Variants in ZMYND8 observed in about 807,000 individuals in gnomAD.
ZMYND8 encodes the protein zinc finger MYND-type containing 8.
In ZMYND8, 37 loss-of-function variants were observed where a neutral mutation model predicts 140.8. The observed-to-expected ratio is 0.26, with a 90% CI of 0.20 to 0.35. The LOEUF (loss-of-function observed/expected upper bound fraction) is 0.35. Ranked by LOEUF, ZMYND8 falls within the 10% of genes least tolerant of loss-of-function variation. The probability of loss-of-function intolerance (pLI) is 1.00; values close to 1 mark genes in which losing one functional copy is unlikely to be tolerated. For missense variants in ZMYND8, 1,068 were observed against 1,570.0 expected, an observed-to-expected ratio of 0.68 and a Z score of 5.40; for synonymous variants, 592 against 597.1, an observed-to-expected ratio of 0.99 and a Z score of 0.12.
Position 47,238,997 on chromosome 20 carries a change from G to A in ZMYND8, c.2426C>T (p.Ala809Val), listed in dbSNP as rs781498589. ...TSTSSTVTVTAPAPAATGSPV... is the reference protein window; with the variant it reads ...TSTSSTVTVTVPAPAATGSPV... ...GCTTCCTGTGGCGGCGGGGGCCGGG[G>A]CCGTGACGGTGACCGTGGAGGACGT... Residue 809 changes from alanine to valine, a missense_variant, in exon 15 of 23, where the codon GCC (alanine) becomes GTC (valine). Ala to Val is a moderately conservative substitution (Grantham distance 64, BLOSUM62 0). Around this residue, in one of 10 missense-constraint regions of ZMYND8, gnomAD observed 383 missense variants for 431.2 expected, o/e 0.89. Transcript: ENST00000471951. 50 of 1,608,554 alleles carry A rather than the reference G, an allele frequency of 3.1e-5. No homozygotes were observed. The highest frequency in any genetic ancestry group is 4.2e-5 in the Non-Finnish European group (49 of 1,175,714).
chr20:47,273,749 C>T (rs987821505), intron 11 of ZMYND8, among the ~76,000 whole-genome samples: 26 of 152,270 alleles, frequency 1.7e-4, no homozygotes, highest in Non-Finnish European at 2.9e-4. Flanking sequence ...CCTCCCAGCT[C>T]AGCCTCCTCA....
intron 2 of ZMYND8, among the ~76,000 whole-genome samples, chr20:47,334,053 T>A (rs940936094): frequency 3.3e-5 from 5 of 152,234 alleles, no homozygotes; most frequent in Non-Finnish European, 7.3e-5. Flanking sequence ...TCAGAACACT[T>A]AGAGTTAGGC....
chr20:47,219,916 G>A (rs76620955), intron 21 of ZMYND8, among the ~76,000 whole-genome samples: 4 of 151,930 alleles, frequency 2.6e-5, no homozygotes, highest in Middle Eastern at 3.4e-3. Context: ...GTCATTTACC[G>A]TTCTCATTTC....
intron 11 of ZMYND8, among the ~76,000 whole-genome samples, chr20:47,265,543 C>T (rs2075458260): frequency 6.6e-6 from 1 of 152,200 alleles, no homozygotes. Context: ...CAGGTTCAAG[C>T]AATTCTCCTG....
intron 1 of ZMYND8, 111 bp from the exon 2 acceptor site, chr20:47,348,037 C>CTT (rs764794048): frequency 9.6e-7 from 1 of 1,042,428 alleles, no homozygotes; most frequent in East Asian, 2.4e-5. Flanking sequence ...TTCCCTCATC[C>CTT]TTATCCAGGG....
chr20:47,345,947 T>C (rs1299194380), intron 2 of ZMYND8, among the ~76,000 whole-genome samples: 1 of 152,144 alleles, frequency 6.6e-6, no homozygotes, highest in East Asian at 1.9e-4. Flanking sequence ...CATGCGCCAC[T>C]GTGCCTGACC....
rs538294214 is a variant in ZMYND8 at position 47,238,952 on chromosome 20, G to A, written c.2471C>T (p.Pro824Leu). 11 of 1,612,986 alleles carry A rather than the reference G, an allele frequency of 6.8e-6. No individual in the cohort carries two copies. Among genetic ancestry groups the A allele is most frequent in the Admixed American group, 3.3e-5 (2 of 60,006 alleles). The change falls in exon 15 of 23, where the codon CCG becomes CTG. Residue 824 changes from proline to leucine, a missense_variant. Pro to Leu is a moderately conservative substitution (Grantham distance 98, BLOSUM62 -3). Around this residue, in one of 10 missense-constraint regions of ZMYND8, gnomAD observed 383 missense variants for 431.2 expected, o/e 0.89. Transcript: ENST00000471951. ...CGGGGCAGTCTCCTTCGGTAAAAGC[G>A]GCCTCTGCTTTTTCACTGGGCTTCC... ...ATGSPVKKQRPLLPKETAPAV... is the reference protein window; with the variant it reads ...ATGSPVKKQRLLLPKETAPAV...
intron 21 of ZMYND8, among the ~76,000 whole-genome samples, chr20:47,217,816 G>A (rs1348340296): frequency 6.6e-6 from 1 of 150,750 alleles, no homozygotes; most frequent in Admixed American, 6.6e-5. Context: ...GAAACTCCAC[G>A]AAGATAGGCA....
chr20:47,332,289 C>T (rs889587744), intron 2 of ZMYND8, among the ~76,000 whole-genome samples: 2 of 151,420 alleles, frequency 1.3e-5, no homozygotes, highest in African/African-American at 4.9e-5. Flanking sequence ...CCAGCCTGGG[C>T]AATATAGTGA....
intron 16 of ZMYND8, among the ~76,000 whole-genome samples, chr20:47,231,157 C>G (rs1022749014): frequency 1.3e-5 from 2 of 152,168 alleles, no homozygotes; most frequent in African/African-American, 2.4e-5. Context: ...AGCAGGCACC[C>G]AGGGATTTGC....
At chr20:47,248,229 T>C (rs1173817272) in intron 13 of ZMYND8, among the ~76,000 whole-genome samples, 3 of 152,220 alleles carry the variant, frequency 2.0e-5, no homozygotes, top group Non-Finnish European at 1.5e-5. Flanking sequence ...GTGCTTAGCA[T>C]AGTGTCCAAG....
At chr20:47,219,815 C>T (rs1178453048) in intron 21 of ZMYND8, among the ~76,000 whole-genome samples, 1 of 152,146 alleles carries the variant, frequency 6.6e-6, no homozygotes, top group Non-Finnish European at 1.5e-5. Flanking sequence ...AAAGATCATC[C>T]ACTTAAGCAC....
chr20:47,213,769 G>A (rs1293453866), intron 21 of ZMYND8, among the ~76,000 whole-genome samples: 2 of 152,192 alleles, frequency 1.3e-5, no homozygotes, highest in African/African-American at 2.4e-5. Context: ...GTGGGAAGAG[G>A]AAGAGAAGAG....
At chr20:47,281,308 G>A (rs1332823554) in intron 10 of ZMYND8, among the ~76,000 whole-genome samples, 1 of 152,148 alleles carries the variant, frequency 6.6e-6, no homozygotes, top group Admixed American at 6.5e-5. Context: ...CCAATTTTCA[G>A]CTTCTGGACA....
intron 11 of ZMYND8, among the ~76,000 whole-genome samples, chr20:47,273,707 A>T (rs1274359346): frequency 6.6e-6 from 1 of 152,150 alleles, no homozygotes; most frequent in Non-Finnish European, 1.5e-5. Flanking sequence ...ATCACAGGTC[A>T]TTGTGGCCTC....
chr20:47,321,622 C>T (rs2079959267), intron 2 of ZMYND8, among the ~76,000 whole-genome samples: 1 of 152,148 alleles, frequency 6.6e-6, no homozygotes, highest in Non-Finnish European at 1.5e-5. Flanking sequence ...TGATGTTTCA[C>T]CTGGTGGCCC....
chr20:47,303,793 C>T (rs1238583300), intron 3 of ZMYND8, among the ~76,000 whole-genome samples: 2 of 152,186 alleles, frequency 1.3e-5, no homozygotes, highest in Non-Finnish European at 2.9e-5. Context: ...AGGTACTGAT[C>T]CTCCAAAATT....
At chr20:47,259,996 TGTAACA>T (rs1167012850) in intron 12 of ZMYND8, among the ~76,000 whole-genome samples, 1 of 152,094 alleles carries the variant, frequency 6.6e-6, no homozygotes, top group Non-Finnish European at 1.5e-5. Flanking sequence ...CACCTAGGGG[TGTAACA>T]GCTGCTCAAA....
At chr20:47,259,484 G>C (rs1406405933) in intron 12 of ZMYND8, among the ~76,000 whole-genome samples, 1 of 152,094 alleles carries the variant, frequency 6.6e-6, no homozygotes, top group African/African-American at 2.4e-5. Context: ...TTCTCCATCT[G>C]AAAATGGCAC....
Sources: gnomAD v4.1 joint callset for allele counts (sites outside exome capture counted in the v4.1 genomes callset) on GRCh38, gnomAD v4.1.1 for gene constraint, gnomAD v4.1.1 regional missense constraint, MANE v1.5 for transcripts, NCBI Gene and HGNC (gene_info 2026-07-23, HGNC 2026-07-21) for gene names.